The following CHMP4B variants were observed in gnomAD, a reference collection of about 807,000 sequenced individuals.
CHMP4B encodes the protein SNF7 homolog associated with Alix 1.
CHMP4B carries 1 observed loss-of-function variant against 25.1 expected under a neutral mutation model. That is an observed-to-expected ratio of 0.04 (90% confidence interval 0.01 to 0.19). CHMP4B has a LOEUF of 0.19. Ranked by LOEUF, CHMP4B falls within the 10% of genes least tolerant of loss-of-function variation. CHMP4B has a pLI of 1.00. For missense variants in CHMP4B, 151 were observed against 289.7 expected, an observed-to-expected ratio of 0.52 and a Z score of 3.48; for synonymous variants, 101 against 115.6, an observed-to-expected ratio of 0.87 and a Z score of 0.81.
chr20:33,824,307 G>A (rs763573244), intron 1 of CHMP4B, among the ~76,000 whole-genome samples: 1 of 152,152 alleles, frequency 6.6e-6, no homozygotes. Flanking sequence ...AGTCTAGTGC[G>A]TTTCTGCCAC....
In CHMP4B at chr20:33,853,948, G is replaced by A; in HGVS notation, c.*388G>A. ...TCTGTCCTTGTAAGTCAGTTGACTT[G>A]CCGCACATCTCTTTGTGTACTTGTA... On this transcript the variant is annotated 3_prime_UTR_variant, in exon 5 of 5. Transcript: ENST00000217402. 3.1e-6 allele frequency: 1 copy of A among 322,580 alleles called. No homozygotes were observed. Among genetic ancestry groups the A allele is most frequent in the East Asian group, 7.7e-5 (1 of 12,936 alleles). The allele number at this position is 322,580 out of a possible 1,614,324, so 20.0% of individuals were successfully genotyped here.
intron 1 of CHMP4B, among the ~76,000 whole-genome samples, chr20:33,847,623 G>A (rs748488770): frequency 3.9e-5 from 6 of 152,158 alleles, no homozygotes; most frequent in Admixed American, 6.5e-5. Flanking sequence ...CAGCCTCAGC[G>A]TGCTAGGAGG....
chr20:33,824,576 T>G (rs1210342330), intron 1 of CHMP4B, among the ~76,000 whole-genome samples: 1 of 152,256 alleles, frequency 6.6e-6, no homozygotes, highest in African/African-American at 2.4e-5. Flanking sequence ...TTCAATTCGC[T>G]ACATCAACAT....
intron 1 of CHMP4B, 41 bp downstream of exon 1, chr20:33,811,699 C>G (rs574623437): frequency 2.5e-6 from 4 of 1,592,552 alleles, no homozygotes; most frequent in South Asian, 1.1e-5. Context: ...ACGGGCTCCC[C>G]CCAGGCTCCC....
intron 1 of CHMP4B, among the ~76,000 whole-genome samples, chr20:33,840,831 A>G (rs1979520552): frequency 6.6e-6 from 1 of 152,192 alleles, no homozygotes; most frequent in Admixed American, 6.5e-5. Context: ...GGTGCTTTAC[A>G]TACATACTTC....
intron 1 of CHMP4B, among the ~76,000 whole-genome samples, chr20:33,812,809 C>T (rs1444631687): frequency 5.3e-5 from 8 of 152,178 alleles, no homozygotes; most frequent in Non-Finnish European, 1.0e-4. Flanking sequence ...TCGATGTTTT[C>T]TCCATTCTAA....
At chr20:33,828,562 C>T (rs1479692466) in intron 1 of CHMP4B, among the ~76,000 whole-genome samples, 4 of 152,142 alleles carry the variant, frequency 2.6e-5, no homozygotes, top group Admixed American at 6.5e-5. Context: ...AGAAATGTTG[C>T]GCCTACATTT....
At chr20:33,853,280 C>T (rs1256133700) in intron 4 of CHMP4B, among the ~76,000 whole-genome samples, 1 of 152,074 alleles carries the variant, frequency 6.6e-6, no homozygotes, top group Non-Finnish European at 1.5e-5. Flanking sequence ...CTGCTGGAGG[C>T]GGAGGGTGGG....
intron 1 of CHMP4B, among the ~76,000 whole-genome samples, chr20:33,814,279 A>G (rs1230551142): frequency 2.6e-5 from 4 of 152,226 alleles, no homozygotes; most frequent in African/African-American, 9.6e-5. Context: ...ACCTGCCACT[A>G]TGCTGGGACC....
intron 1 of CHMP4B, among the ~76,000 whole-genome samples, chr20:33,830,933 G>GTTTTTTTTTTTTTTTTTTT (rs55917511): frequency 2.9e-5 from 3 of 102,520 alleles, no homozygotes; most frequent in African/African-American, 3.7e-5. Flanking sequence ...AAGGAACAGA[G>GTTTTTTTTTTTTTTTTTTT]TTTTTTTTTT....
chr20:33,838,344 C>G (rs1338086632), intron 1 of CHMP4B, among the ~76,000 whole-genome samples: 2 of 152,072 alleles, frequency 1.3e-5, no homozygotes, highest in African/African-American at 4.8e-5. Flanking sequence ...AGTAATGTGT[C>G]CAGGTAGAAG....
At chr20:33,822,489 T>A (rs1978969936) in intron 1 of CHMP4B, among the ~76,000 whole-genome samples, 1 of 152,220 alleles carries the variant, frequency 6.6e-6, no homozygotes, top group South Asian at 2.1e-4. Context: ...ATTTCATCTC[T>A]CCAAAGCATG....
chr20:33,848,688 C>A, intron 2 of CHMP4B, 44 bp downstream of exon 2: 1 of 1,604,714 alleles, frequency 6.2e-7, no homozygotes, highest in South Asian at 1.1e-5. Flanking sequence ...GTGCTAGTCC[C>A]GGAATGCCTC....
At chr20:33,828,342 C>CAAT (rs1979148974) in intron 1 of CHMP4B, among the ~76,000 whole-genome samples, 1 of 152,204 alleles carries the variant, frequency 6.6e-6, no homozygotes, top group African/African-American at 2.4e-5. Context: ...CTACTGTAGC[C>CAAT]TCACCTGTTT....
At chr20:33,821,170 T>C (rs972000952) in intron 1 of CHMP4B, among the ~76,000 whole-genome samples, 5 of 151,886 alleles carry the variant, frequency 3.3e-5, no homozygotes, top group African/African-American at 9.7e-5. Context: ...GCGGATTACC[T>C]GAGGTCAGGA....
chr20:33,812,214 C>T (rs1245077538), intron 1 of CHMP4B, among the ~76,000 whole-genome samples: 5 of 152,258 alleles, frequency 3.3e-5, no homozygotes, highest in African/African-American at 1.2e-4. Context: ...GCTCTATTCA[C>T]TTGCTGAGTG....
chr20:33,820,350 T>C (rs17090936), intron 1 of CHMP4B, among the ~76,000 whole-genome samples: 4,313 of 152,286 alleles, frequency 0.028, 207 homozygotes, highest in African/African-American at 0.099. Context: ...GATGTTGAGA[T>C]CCCAAATCTT....
At position 33,811,495 on chromosome 20, in the gene CHMP4B, G is replaced by A. The variant is rs1467759722; in HGVS notation, c.27G>A (p.Gly9=). The change falls in exon 1 of 5, where the codon GGG becomes GGA. Residue 9 remains glycine (G), a synonymous_variant. Coordinates refer to ENST00000217402, the MANE Select transcript of CHMP4B (RefSeq NM_176812.5). MSVFGKLF[G]AGGGKAGKGG... The stretch of plus-strand genomic sequence containing the variant: ...TGTCGGTGTTCGGGAAGCTGTTCGG[G>A]GCTGGAGGGGGTAAGGCCGGCAAGG... 1 of 1,589,546 alleles carries A rather than the reference G, an allele frequency of 6.3e-7. No homozygotes were observed. Among genetic ancestry groups the A allele is most frequent in the Non-Finnish European group, 8.6e-7 (1 of 1,167,888 alleles).
At chr20:33,820,193 A>G (rs996879973) in intron 1 of CHMP4B, among the ~76,000 whole-genome samples, 11 of 152,182 alleles carry the variant, frequency 7.2e-5, no homozygotes, top group African/African-American at 2.6e-4. Flanking sequence ...AAAAAGAAAA[A>G]GAAAAAAAGA....
Sources: allele counts gnomAD v4.1 joint callset (sites outside exome capture counted in the v4.1 genomes callset), GRCh38; gene constraint gnomAD v4.1.1; transcripts MANE v1.5; gene names NCBI Gene and HGNC (gene_info 2026-07-23, HGNC 2026-07-21).